ARID2: variants seen among roughly 807,000 people sequenced by gnomAD.
ARID2 encodes AT-rich interactive domain-containing protein 2.
Under a neutral mutation model 184.6 loss-of-function variants are expected in ARID2, and 32 were observed. That is an observed-to-expected ratio of 0.17 (90% CI 0.13 to 0.23). The LOEUF (loss-of-function observed/expected upper bound fraction) is 0.23, where lower values mean the gene tolerates loss of function less well. Among genes scored for constraint, ARID2 ranks in the 10% least tolerant of loss-of-function variants. ARID2 has a pLI of 1.00. For missense variants in ARID2, 1,696 were observed against 2,197.6 expected, an observed-to-expected ratio of 0.77 and a Z score of 4.56; for synonymous variants, 836 against 772.6, an observed-to-expected ratio of 1.08 and a Z score of -1.36.
intron 20 of ARID2, among the ~76,000 whole-genome samples, chr12:45,903,852 T>C (rs1565646645): frequency 6.6e-6 from 1 of 152,148 alleles, no homozygotes; most frequent in South Asian, 2.1e-4. Flanking sequence ...TGCTGGCTGA[T>C]ATTTTTTTTT....
intron 3 of ARID2, among the ~76,000 whole-genome samples, chr12:45,769,111 A>G (rs534583534): frequency 1.3e-5 from 2 of 152,360 alleles, no homozygotes; most frequent in African/African-American, 4.8e-5. Context: ...GCTATAATAT[A>G]TAAAATGGTC....
chr12:45,819,633 TATA>T (rs1482874017), intron 5 of ARID2, among the ~76,000 whole-genome samples: 1 of 152,178 alleles, frequency 6.6e-6, no homozygotes, highest in African/African-American at 2.4e-5. Context: ...TTTGAAGAAG[TATA>T]ATAAAAATTC....
intron 3 of ARID2, among the ~76,000 whole-genome samples, chr12:45,775,485 C>G (rs1592068734): frequency 6.6e-6 from 1 of 152,146 alleles, no homozygotes; most frequent in East Asian, 1.9e-4. Flanking sequence ...AATTTTTTCT[C>G]TCTCAGAAGT....
rs1242508949 is a variant in ARID2, at chr12:45,817,955, A to T, written c.637+67A>T. 2.3e-5 allele frequency: 29 copies of T among 1,243,330 alleles called. No homozygotes were observed. The South Asian group carries it at 4.8e-4, about 20-fold the overall frequency. 77.0% of individuals were successfully genotyped at this position (1,243,330 alleles called of 1,614,324 possible). On this transcript the variant is annotated intron_variant, in intron 5 of 20. Coordinates refer to ENST00000334344, the MANE Select transcript of ARID2 (RefSeq NM_152641.4). ...AGTTTTTTTTTTAAGGTTTTTAAGG[A>T]GAAAGTACTTTTTGTTTGTCAACAT...
At chr12:45,770,109 C>CG (rs1592065292) in intron 3 of ARID2, among the ~76,000 whole-genome samples, 1 of 151,814 alleles carries the variant, frequency 6.6e-6, no homozygotes, top group East Asian at 1.9e-4. Context: ...AAAAAGTAGC[C>CG]GGGAGTGGTG....
intron 11 of ARID2, 76 bp downstream of exon 11, chr12:45,839,572 T>C: frequency 6.7e-7 from 1 of 1,501,328 alleles, no homozygotes; most frequent in Non-Finnish European, 9.0e-7. Context: ...AATTTCAATG[T>C]GCAGTATAGA....
At chr12:45,750,455 G>A (rs1941441584) in intron 3 of ARID2, among the ~76,000 whole-genome samples, 1 of 152,202 alleles carries the variant, frequency 6.6e-6, no homozygotes, top group Non-Finnish European at 1.5e-5. Context: ...GAACTGTGAA[G>A]TGAGCACATG....
At chr12:45,810,888 T>C (rs1403367698) in intron 3 of ARID2, among the ~76,000 whole-genome samples, 1 of 152,208 alleles carries the variant, frequency 6.6e-6, no homozygotes, top group East Asian at 1.9e-4. Context: ...GTATGGTCTT[T>C]TCTGAAAATA....
At chr12:45,811,033 C>A (rs1036162668) in intron 3 of ARID2, among the ~76,000 whole-genome samples, 65 of 151,918 alleles carry the variant, frequency 4.3e-4, no homozygotes, top group Admixed American at 1.7e-3. Context: ...CACGGTGAAA[C>A]CCCGTCTCTA....
intron 3 of ARID2, among the ~76,000 whole-genome samples, chr12:45,770,094 A>T (rs1941840446): frequency 6.6e-6 from 1 of 152,016 alleles, no homozygotes; most frequent in African/African-American, 2.4e-5. Flanking sequence ...CTCTACTAAA[A>T]ATACAAAAAG....
chr12:45,808,579 T>C (rs1033974581), intron 3 of ARID2, among the ~76,000 whole-genome samples: 3 of 152,128 alleles, frequency 2.0e-5, no homozygotes, highest in Admixed American at 6.6e-5. Flanking sequence ...ATATAATATA[T>C]ATGGTTTATT....
intron 20 of ARID2, among the ~76,000 whole-genome samples, chr12:45,894,493 C>T (rs1053792090): frequency 1.3e-5 from 2 of 152,112 alleles, no homozygotes; most frequent in Non-Finnish European, 2.9e-5. Flanking sequence ...TGTCTTACGT[C>T]TTTTATGATA....
At chr12:45,760,615 G>A (rs1190941862) in intron 3 of ARID2, among the ~76,000 whole-genome samples, 1 of 151,792 alleles carries the variant, frequency 6.6e-6, no homozygotes, top group Non-Finnish European at 1.5e-5. Context: ...TACATAAGTT[G>A]TTGCTTATGT....
chr12:45,729,944 G>A lies in ARID2; in HGVS notation c.92+16G>A. The A allele has an allele frequency of 6.2e-7, 1 of 1,605,298 alleles. No individual in the cohort carries two copies. The highest frequency in any genetic ancestry group is 1.1e-5 in the South Asian group (1 of 90,358). Reference sequence around the variant, plus strand: ...ACAGCAGAGGGTGAGAGCAGAACCGGGGGGGCAGCGCCGGGGCGAGCCGGG... The same window carrying A: ...ACAGCAGAGGGTGAGAGCAGAACCGAGGGGGCAGCGCCGGGGCGAGCCGGG... On this transcript the variant is annotated intron_variant, in intron 1 of 20. Transcript: ENST00000334344.
chr12:45,824,400 C>T (rs1022832386), intron 6 of ARID2, among the ~76,000 whole-genome samples: 15 of 151,912 alleles, frequency 9.9e-5, no homozygotes, highest in Non-Finnish European at 2.1e-4. Context: ...CACTCTCATT[C>T]AACATTGTAT....
At position 45,907,316 on chromosome 12, in the gene ARID2, G is replaced by GAAGGA. The variant is rs1944542147; in HGVS notation, c.*2238_*2239insAAGGA. On this transcript the variant is annotated 3_prime_UTR_variant, in exon 21 of 21. Coordinates refer to ENST00000334344, the MANE Select transcript of ARID2 (RefSeq NM_152641.4). ...CAACAACGTTTATTTGAAAGATAAT[G>GAAGGA]TCTTCTCAAAATCAGAAACTGCAGT... is the stretch of plus-strand genomic sequence containing the variant. The GAAGGA allele has an allele frequency of 4.3e-6, 1 of 232,908 alleles. No homozygotes were observed. The highest frequency in any genetic ancestry group is 2.2e-5 in the African/African-American group (1 of 45,342). 14.4% of individuals were successfully genotyped at this position (232,908 alleles called of 1,614,324 possible).
At position 45,763,426 on chromosome 12, in the gene ARID2, C is replaced by CTCCAT. The variant is rs1280557633; in HGVS notation, c.284+32122_284+32126dup. On this transcript the variant is annotated intron_variant, in intron 3 of 20. Coordinates refer to ENST00000334344, the MANE Select transcript of ARID2 (RefSeq NM_152641.4). ...CGGAGGTTGCAGTGAGCCAAGACCG[C>CTCCAT]TCCATTCCATTCCAGCCCAGGTGAC... Among the ~76,000 whole-genome samples the CTCCAT allele has an allele frequency of 4.0e-5, 6 of 151,866 alleles. No individual in the cohort carries two copies. In the East Asian group the frequency reaches 7.8e-4, roughly 20 times the overall value.
chr12:45,811,684 G>A, intron 4 of ARID2, 133 bp downstream of exon 4: 1 of 897,666 alleles, frequency 1.1e-6, no homozygotes, highest in Non-Finnish European at 1.5e-6. Flanking sequence ...AGCTTTCAAA[G>A]ATTGACATCT....
chr12:45,770,849 G>A (rs941724716), intron 3 of ARID2, among the ~76,000 whole-genome samples: 2 of 152,160 alleles, frequency 1.3e-5, no homozygotes, highest in South Asian at 4.1e-4. Context: ...CACCAAATGG[G>A]AAGACAGGTT....
Sources: gnomAD v4.1 joint callset for allele counts (sites outside exome capture counted in the v4.1 genomes callset) on GRCh38, gnomAD v4.1.1 for gene constraint, MANE v1.5 for transcripts, NCBI Gene and HGNC (gene_info 2026-07-23, HGNC 2026-07-21) for gene names.